The following ATP11A variants were observed in gnomAD, a reference collection of about 807,000 sequenced individuals.
The protein encoded by ATP11A is phospholipid-transporting ATPase IH.
A neutral mutation model predicts 154.4 loss-of-function variants in ATP11A; 81 were observed. The ratio of observed to expected loss-of-function variants is 0.52; its 90% CI spans 0.44 to 0.63. ATP11A has a LOEUF of 0.63. ATP11A is among the 30% of genes least tolerant of loss of function. The pLI is 0.00. For missense variants in ATP11A, 1,316 were observed against 1,474.3 expected (o/e 0.89, Z 1.76); for synonymous variants, 623 against 585.9 (o/e 1.06, Z -0.91).
At chr13:112,849,019 TGAG>T (rs2079687393) in intron 17 of ATP11A, among the ~76,000 whole-genome samples, 1 of 152,232 alleles carries the variant, frequency 6.6e-6, no homozygotes, top group Non-Finnish European at 1.5e-5. Context: ...TTTACCACGT[TGAG>T]GAGGTTTCTT....
At chr13:112,822,526 T>A (rs1335506410) in intron 8 of ATP11A, among the ~76,000 whole-genome samples, 1 of 152,112 alleles carries the variant, frequency 6.6e-6, no homozygotes, top group African/African-American at 2.4e-5. Flanking sequence ...AGATAGAGTA[T>A]CAGCCTTTGT....
At chr13:112,720,648 C>T (rs555549176) in intron 1 of ATP11A, among the ~76,000 whole-genome samples, 94 of 152,164 alleles carry the variant, frequency 6.2e-4, no homozygotes, top group African/African-American at 2.2e-3. Context: ...ACCTCTGCCT[C>T]CTAGGTTCAA....
chr13:112,763,279 G>A (rs769542435), intron 1 of ATP11A, among the ~76,000 whole-genome samples: 3 of 152,142 alleles, frequency 2.0e-5, no homozygotes, highest in Non-Finnish European at 4.4e-5. Context: ...TGGGAAAGGC[G>A]AGTTCAGGCT....
At position 112,697,100 on chromosome 13, in the gene ATP11A, G is replaced by A. The variant is rs530328343; in HGVS notation, c.39+6645G>A. ...AGGTGGGTGCCTGCGTGTCCAGCCT[G>A]AGGGGCGGCCCACGCAGCAGCCTCT... On this transcript the variant is annotated intron_variant, in intron 1 of 29. Transcript: ENST00000375645. The surrounding 1 kb of genome is among the most constrained non-coding windows in gnomAD (Gnocchi z 4.0). Among the ~76,000 whole-genome samples the A allele has an allele frequency of 6.6e-6, 1 of 152,280 alleles. No individual in the cohort carries two copies. The highest frequency in any genetic ancestry group is 2.1e-4 in the South Asian group (1 of 4,832).
At chr13:112,731,485 T>C (rs1890477270) in intron 1 of ATP11A, among the ~76,000 whole-genome samples, 1 of 152,236 alleles carries the variant, frequency 6.6e-6, no homozygotes, top group Admixed American at 6.5e-5. Flanking sequence ...GCTGAGGTTC[T>C]GTAGTTGATA....
Position 112,881,913 on chromosome 13 carries a change from G to T in ATP11A, c.*47G>T. On this transcript the variant is annotated 3_prime_UTR_variant, in exon 30 of 30. Transcript: ENST00000375645. ...CAGAGCACCTGTCCCTCGGCCGCCT[G>T]GTACAGCTCCCACTCTCAGCAGGTG... The T allele has an allele frequency of 7.3e-7, 1 of 1,367,786 alleles. No individual in the cohort carries two copies. Among genetic ancestry groups the T allele is most frequent in the Non-Finnish European group, 9.8e-7 (1 of 1,021,982 alleles). The allele number at this position is 1,367,786 out of a possible 1,614,324, so 84.7% of individuals were successfully genotyped here. A position where few individuals can be genotyped will look rare whatever the true frequency, so the allele number is the denominator to read the frequency against.
chr13:112,745,850 T>G (rs1892066054), intron 1 of ATP11A: 1 of 152,224 alleles, frequency 6.6e-6, no homozygotes, highest in Non-Finnish European at 1.5e-5. Flanking sequence ...CACCTCCACA[T>G]TGTCGTGCAG....
intron 1 of ATP11A, among the ~76,000 whole-genome samples, chr13:112,708,780 G>T (rs962538929): frequency 1.3e-5 from 2 of 152,186 alleles, no homozygotes; most frequent in Non-Finnish European, 2.9e-5. Context: ...CGACAAGCCT[G>T]TAGCTTTGGT....
chr13:112,758,393 C>T lies in ATP11A; in HGVS notation c.40-26742C>T, dbSNP rs554526199. On this transcript the variant is annotated intron_variant, in intron 1 of 29. Transcript: ENST00000375645. ...GACATTTGAAGTAAGAAGAATGGAT[C>T]AGTAAACACTTCACATTTCTTTTTT... Among the ~76,000 whole-genome samples, 11 of 151,426 alleles carry T rather than the reference C, an allele frequency of 7.3e-5. 1 individual carries two copies. Among genetic ancestry groups the T allele is most frequent in the African/African-American group, 1.9e-4 (8 of 41,264 alleles).
rs2078345597 is a variant in ATP11A, at chr13:112,807,147, G to C, written c.333+854G>C. ...GCTTTCAGATGTGAAAGGCTGGAGAGGGCATGGCGAGGGAGGCACCACGGG... is the reference window on the plus strand; with the variant it reads ...GCTTTCAGATGTGAAAGGCTGGAGACGGCATGGCGAGGGAGGCACCACGGG... On this transcript the variant is annotated intron_variant, in intron 4 of 29. Transcript: ENST00000375645. This position sits in a 1 kb window ranked among gnomAD's most constrained non-coding sequence, Gnocchi z 4.5. Among the ~76,000 whole-genome samples, 1 of 152,264 alleles carries C rather than the reference G, an allele frequency of 6.6e-6. No homozygotes were observed. The highest frequency in any genetic ancestry group is 1.5e-5 in the Non-Finnish European group (1 of 68,054).
chr13:112,858,020 G>GAAT, intron 21 of ATP11A, 100 bp downstream of exon 21: 1 of 1,566,108 alleles, frequency 6.4e-7, no homozygotes, highest in Non-Finnish European at 8.8e-7. Flanking sequence ...GGACACCCCC[G>GAAT]TCACCACCCT....
chr13:112,735,322 G>A (rs1482081370), intron 1 of ATP11A, among the ~76,000 whole-genome samples: 1 of 152,182 alleles, frequency 6.6e-6, no homozygotes, highest in Non-Finnish European at 1.5e-5. Context: ...TGCCCCGAAA[G>A]CCGGGCATTG....
intron 17 of ATP11A, among the ~76,000 whole-genome samples, chr13:112,844,246 C>G (rs1464912433): frequency 1.3e-5 from 2 of 152,196 alleles, no homozygotes; most frequent in African/African-American, 4.8e-5. Flanking sequence ...CTGCTGGATC[C>G]CCACTGCTGC....
intron 1 of ATP11A, among the ~76,000 whole-genome samples, chr13:112,695,489 T>C (rs796476297): frequency 7.7e-4 from 118 of 152,366 alleles, no homozygotes; most frequent in African/African-American, 2.6e-3. Context: ...CATTGCTTTT[T>C]GGAACCCTGT....
intron 1 of ATP11A, among the ~76,000 whole-genome samples, chr13:112,784,442 TC>T (rs2077572041): frequency 6.6e-6 from 1 of 152,136 alleles, no homozygotes; most frequent in African/African-American, 2.4e-5. Context: ...TCATAGTTTT[TC>T]TTTCCTCTTC....
At chr13:112,757,543 AGAG>A (rs1261190035) in intron 1 of ATP11A, among the ~76,000 whole-genome samples, 1 of 152,354 alleles carries the variant, frequency 6.6e-6, no homozygotes, top group African/African-American at 2.4e-5. Flanking sequence ...AGACCTCTGC[AGAG>A]GAGAACTGAT....
At chr13:112,781,431 C>A (rs567085565) in intron 1 of ATP11A, among the ~76,000 whole-genome samples, 99 of 152,304 alleles carry the variant, frequency 6.5e-4, no homozygotes, top group African/African-American at 2.3e-3. Flanking sequence ...ACGATTGAGG[C>A]TCCTGAGTTT....
In ATP11A at chr13:112,713,573, C is replaced by T. The variant is rs535395791; in HGVS notation, c.39+23118C>T. ...AGTTTTGTAGTATTTGTTAAAGTGC[C>T]ATCATAGCCGCCTGTGAAAGAGGTC... On this transcript the variant is annotated intron_variant, in intron 1 of 29. Transcript: ENST00000375645. Among the ~76,000 whole-genome samples the T allele has an allele frequency of 3.3e-5, 5 of 152,244 alleles. 1 individual carries two copies. Among genetic ancestry groups the T allele is most frequent in the African/African-American group, 1.2e-4 (5 of 41,528 alleles).
At chr13:112,853,297 T>C (rs186746627) in intron 18 of ATP11A, among the ~76,000 whole-genome samples, 49 of 151,370 alleles carry the variant, frequency 3.2e-4, no homozygotes, top group African/African-American at 9.4e-4. Context: ...CACACACACA[T>C]ATATATATAC....
Sources: allele counts gnomAD v4.1 joint callset (sites outside exome capture counted in the v4.1 genomes callset), GRCh38; gene constraint gnomAD v4.1.1; non-coding constraint Gnocchi (gnomAD v3.1); transcripts MANE v1.5; gene names NCBI Gene and HGNC (gene_info 2026-07-23, HGNC 2026-07-21).